The following EBF1 variants were observed in gnomAD, a reference collection of about 807,000 sequenced individuals.
EBF1 encodes the protein EBF transcription factor 1, also known as transcription factor COE1.
A neutral mutation model predicts 68.4 loss-of-function variants in EBF1; 10 were observed. The observed-to-expected ratio is 0.15, with a 90% confidence interval of 0.09 to 0.25. The LOEUF is 0.25. EBF1 is among the 10% of genes least tolerant of loss of function. EBF1 has a pLI of 1.00. For missense variants in EBF1, 509 were observed against 794.4 expected, an observed-to-expected ratio of 0.64 and a Z score of 4.32; for synonymous variants, 298 against 299.8, an observed-to-expected ratio of 0.99 and a Z score of 0.06.
At chr5:159,030,341 C>A (rs916122394) in intron 6 of EBF1, among the ~76,000 whole-genome samples, 3 of 151,850 alleles carry the variant, frequency 2.0e-5, no homozygotes, top group Non-Finnish European at 4.4e-5. Flanking sequence ...CCTTGATGGC[C>A]AGGGGATGGT....
intron 6 of EBF1, among the ~76,000 whole-genome samples, chr5:158,993,078 G>A (rs1225336644): frequency 2.6e-5 from 4 of 151,534 alleles, no homozygotes; most frequent in South Asian, 2.1e-4. Context: ...ACAGGTGCAC[G>A]CTGCTACACC....
At chr5:159,045,493 A>T (rs938987019) in intron 6 of EBF1, among the ~76,000 whole-genome samples, 3 of 151,920 alleles carry the variant, frequency 2.0e-5, no homozygotes, top group Admixed American at 6.6e-5. Flanking sequence ...TCATTGCATT[A>T]AAAAAAAGAT....
At chr5:158,813,870 A>G (rs75403181) in intron 8 of EBF1, among the ~76,000 whole-genome samples, 2 of 152,222 alleles carry the variant, frequency 1.3e-5, no homozygotes, top group Admixed American at 6.5e-5. Flanking sequence ...GGGTTTATGA[A>G]CAGCACATCA....
intron 6 of EBF1, chr5:158,983,370 C>T (rs1002041559): frequency 1.3e-4 from 19 of 151,974 alleles, no homozygotes; most frequent in African/African-American, 3.6e-4. Flanking sequence ...ATTTCCCATA[C>T]GACTAATTTA....
chr5:158,898,478 TAG>T (rs955584269), intron 6 of EBF1, among the ~76,000 whole-genome samples: 12 of 152,232 alleles, frequency 7.9e-5, no homozygotes, highest in Admixed American at 3.3e-4. Flanking sequence ...GCTCTAACCT[TAG>T]AATGGGATCT....
intron 6 of EBF1, among the ~76,000 whole-genome samples, chr5:159,043,343 C>T (rs1771639821): frequency 6.6e-6 from 1 of 152,180 alleles, no homozygotes; most frequent in African/African-American, 2.4e-5. Flanking sequence ...TAAGCCAGTT[C>T]TTCTCCCTGG....
chr5:158,853,116 G>T (rs961855521), intron 6 of EBF1, among the ~76,000 whole-genome samples: 1 of 152,124 alleles, frequency 6.6e-6, no homozygotes, highest in Admixed American at 6.6e-5. Context: ...TCAGAGGACA[G>T]GAGTCTGAAT....
intron 8 of EBF1, among the ~76,000 whole-genome samples, chr5:158,815,616 A>C (rs565203612): frequency 3.3e-5 from 5 of 152,286 alleles, no homozygotes; most frequent in African/African-American, 1.2e-4. Context: ...TCTGAGCACT[A>C]TTTCTCATTT....
intron 10 of EBF1, among the ~76,000 whole-genome samples, chr5:158,770,555 ACTT>A (rs1346184676): frequency 1.3e-5 from 2 of 152,092 alleles, no homozygotes; most frequent in Non-Finnish European, 2.9e-5. Flanking sequence ...GTCCCTGACT[ACTT>A]CTCGCAGCCT....
At chr5:158,906,972 G>A (rs1050261599) in intron 6 of EBF1, among the ~76,000 whole-genome samples, 7 of 152,196 alleles carry the variant, frequency 4.6e-5, no homozygotes, top group Admixed American at 3.3e-4. Context: ...ACCTCCTTAC[G>A]AAGAGGGGTT....
intron 9 of EBF1, among the ~76,000 whole-genome samples, chr5:158,786,091 A>G (rs1777379211): frequency 6.6e-6 from 1 of 152,174 alleles, no homozygotes; most frequent in African/African-American, 2.4e-5. Flanking sequence ...TTTCTTATGA[A>G]TCTACAAAAA....
At chr5:159,073,374 G>C (rs953786610) in intron 6 of EBF1, 22 bp downstream of exon 6, 1 of 1,612,114 alleles carries the variant, frequency 6.2e-7, no homozygotes, top group Non-Finnish European at 8.5e-7. Flanking sequence ...TAAGAATCCA[G>C]TGAAAGAAGA....
At chr5:158,807,645 A>G (rs1031741755) in intron 8 of EBF1, among the ~76,000 whole-genome samples, 1 of 152,138 alleles carries the variant, frequency 6.6e-6, no homozygotes, top group Admixed American at 6.6e-5. Context: ...AATTTCTGCA[A>G]TCATTGAACT....
At chr5:158,841,319 G>A (rs956003552) in intron 6 of EBF1, among the ~76,000 whole-genome samples, 1 of 152,154 alleles carries the variant, frequency 6.6e-6, no homozygotes, top group Admixed American at 6.5e-5. Context: ...TCATATTGGG[G>A]CATTCATGTC....
At chr5:158,853,760 G>A (rs925392231) in intron 6 of EBF1, among the ~76,000 whole-genome samples, 27 of 152,122 alleles carry the variant, frequency 1.8e-4, no homozygotes, top group East Asian at 3.9e-4. Context: ...ATGCACACGC[G>A]CACACACACT....
Position 158,823,283 on chromosome 5 carries a change from T to C in EBF1, c.671A>G (p.His224Arg), listed in dbSNP as rs1427372178. Residue 224 changes from histidine (H) to arginine (R), a missense_variant, in exon 8 of 16, where the codon CAT becomes CGT. By Grantham distance (29) the His-to-Arg change is conservative. Transcript: ENST00000313708. ...VVSTTVNVDG[H>R]VLAVSDNMFV... ...CATGTTATCAGAGACTGCCAGGACA[T>C]GGCCATCCACATTGACTGTCGTAGA... The C allele has an allele frequency of 6.2e-7, 1 of 1,613,786 alleles. No individual in the cohort carries two copies. Among genetic ancestry groups the C allele is most frequent in the Non-Finnish European group, 8.5e-7 (1 of 1,179,890 alleles).
At chr5:158,872,922 C>T (rs534027800) in intron 6 of EBF1, among the ~76,000 whole-genome samples, 5 of 144,686 alleles carry the variant, frequency 3.5e-5, no homozygotes, top group South Asian at 2.3e-4. Flanking sequence ...CTTTGAATAA[C>T]AAAACAAGCT....
At chr5:158,814,747 G>A (rs759879933) in intron 8 of EBF1, among the ~76,000 whole-genome samples, 2 of 152,168 alleles carry the variant, frequency 1.3e-5, no homozygotes, top group Non-Finnish European at 2.9e-5. Context: ...CTAGGGAGAT[G>A]AGTTAGGACA....
intron 6 of EBF1, among the ~76,000 whole-genome samples, chr5:159,060,933 TAC>T (rs72070397): frequency 0.11 from 16,260 of 143,622 alleles, 870 homozygotes; most frequent in Admixed American, 0.16. Context: ...TAAAGCTACA[TAC>T]ACACACACAC....
Sources: allele counts gnomAD v4.1 joint callset (sites outside exome capture counted in the v4.1 genomes callset), GRCh38; gene constraint gnomAD v4.1.1; transcripts MANE v1.5; gene names NCBI Gene and HGNC (gene_info 2026-07-23, HGNC 2026-07-21).